The following NBAS variants were observed in gnomAD, a reference collection of about 807,000 sequenced individuals.
NBAS encodes the protein NBAS subunit of NRZ tethering complex.
Under a neutral mutation model 302.5 loss-of-function variants are expected in NBAS, and 219 were observed. The observed-to-expected ratio is 0.72, with a 90% CI of 0.65 to 0.81. The LOEUF is 0.81. NBAS is among the 30% of genes least tolerant of loss of function. The pLI, the probability that NBAS is intolerant of heterozygous loss-of-function variation, is 0.00. For missense variants in NBAS, 2,932 were observed against 2,841.6 expected, an observed-to-expected ratio of 1.03 and a Z score of -0.72; for synonymous variants, 1,118 against 1,021.6, an observed-to-expected ratio of 1.09 and a Z score of -1.80.
At position 15,308,337 on chromosome 2, in the gene NBAS, C is replaced by CTAA; in HGVS notation, c.4675_4676insTTA (p.Asn1558_Arg1559insLeu). On this transcript the variant is annotated inframe_insertion, in exon 40 of 52. Coordinates refer to ENST00000281513, the MANE Select transcript of NBAS (RefSeq NM_015909.4). ...AGAGGGGGACTGCTTTTCAAAGCACCGGTTAGCATCTAACACCTAGGAGGG... is the reference window on the plus strand; with the variant it reads ...AGAGGGGGACTGCTTTTCAAAGCACCTAAGGTTAGCATCTAACACCTAGGAGGG... 1 of 1,613,968 alleles carries CTAA rather than the reference C, an allele frequency of 6.2e-7. No homozygotes were observed. Among genetic ancestry groups the CTAA allele is most frequent in the Non-Finnish European group, 8.5e-7 (1 of 1,179,964 alleles).
chr2:14,944,292 A>T, the NBAS span, among the ~76,000 whole-genome samples: 2 of 151,264 alleles, frequency 1.3e-5, no homozygotes, highest in African/African-American at 2.4e-5. Flanking sequence ...CGACAGAGTG[A>T]GACTCCGTCT....
intron 35 of NBAS, among the ~76,000 whole-genome samples, chr2:15,334,708 C>G (rs1015057054): frequency 6.6e-6 from 1 of 152,132 alleles, no homozygotes; most frequent in African/African-American, 2.4e-5. Context: ...GATGCAAAGA[C>G]AATTACAGCC....
At chr2:15,521,340 G>A (rs989827804) in intron 9 of NBAS, among the ~76,000 whole-genome samples, 23 of 152,084 alleles carry the variant, frequency 1.5e-4, no homozygotes, top group East Asian at 1.9e-4. Context: ...TAATTTCACC[G>A]AAGAAAAGTT....
chr2:14,870,638 G>GA, the NBAS span, among the ~76,000 whole-genome samples: 1,765 of 142,944 alleles, frequency 0.012, 13 homozygotes, highest in Admixed American at 0.013. Flanking sequence ...TCCTAGGAGT[G>GA]AAAAAAAAAA....
intron 11 of NBAS, among the ~76,000 whole-genome samples, chr2:15,495,556 T>C (rs984434724): frequency 6.6e-6 from 1 of 152,156 alleles, no homozygotes; most frequent in Non-Finnish European, 1.5e-5. Context: ...GCCATATTGT[T>C]AGAGATGAAA....
In NBAS at chr2:15,187,018, G is replaced by A. The variant is rs1201661027; in HGVS notation, c.6573-138C>T. ...TGACGTGCTGCTTCAAGTCAACCTT[G>A]TAGAAAAGATAACACCTTAAGGAGA... is the stretch of plus-strand genomic sequence containing the variant. On this transcript the variant is annotated intron_variant, in intron 49 of 51. Transcript: ENST00000281513. 8 of 1,275,384 alleles carry A rather than the reference G, an allele frequency of 6.3e-6. No individual in the cohort carries two copies. In the African/African-American group the frequency reaches 7.4e-5, roughly 12 times the overall value. The allele number at this position is 1,275,384 out of a possible 1,614,324, so 79.0% of individuals were successfully genotyped here.
chr2:14,849,197 A>G, the NBAS span, among the ~76,000 whole-genome samples: 1 of 147,674 alleles, frequency 6.8e-6, no homozygotes, highest in South Asian at 2.2e-4. Context: ...AGAAGAATGT[A>G]TAACTAGAAT....
chr2:15,419,834 C>T (rs949664107), intron 23 of NBAS, among the ~76,000 whole-genome samples: 1 of 151,918 alleles, frequency 6.6e-6, no homozygotes, highest in Admixed American at 6.6e-5. Flanking sequence ...GCCTCAGCCT[C>T]CCGAGTAGTT....
chr2:15,170,701 A>T (rs1393993547), intron 51 of NBAS, among the ~76,000 whole-genome samples: 2 of 152,246 alleles, frequency 1.3e-5, no homozygotes, highest in African/African-American at 4.8e-5. Flanking sequence ...CTGCACGGAA[A>T]ATACTGCATA....
chr2:15,461,906 A>G, intron 19 of NBAS, 115 bp from the exon 20 acceptor site: 1 of 660,220 alleles, frequency 1.5e-6, no homozygotes, highest in African/African-American at 1.8e-5. Flanking sequence ...GGCCTGAATT[A>G]ATTAATTTCA....
At chr2:15,494,049 C>A (rs1680973350) in intron 11 of NBAS, among the ~76,000 whole-genome samples, 1 of 152,076 alleles carries the variant, frequency 6.6e-6, no homozygotes, top group African/African-American at 2.4e-5. Flanking sequence ...TGGTTCAACT[C>A]CTGACCTCAG....
chr2:14,931,340 T>C, the NBAS span, among the ~76,000 whole-genome samples: 1 of 152,172 alleles, frequency 6.6e-6, no homozygotes, highest in Admixed American at 6.5e-5. Flanking sequence ...GGACATGGTA[T>C]GTGAGGGGTT....
the NBAS span, among the ~76,000 whole-genome samples, chr2:15,123,900 C>G: frequency 7.6e-3 from 1,150 of 152,226 alleles, 12 homozygotes; most frequent in African/African-American, 0.027. Context: ...TGTAAAGACA[C>G]CTGAAAATGT....
intron 38 of NBAS, among the ~76,000 whole-genome samples, chr2:15,314,456 GA>G (rs1204390197): frequency 9.2e-5 from 14 of 152,334 alleles, no homozygotes; most frequent in African/African-American, 3.4e-4. Flanking sequence ...GCTGCCATTT[GA>G]AAGAATGAAT....
the NBAS span, among the ~76,000 whole-genome samples, chr2:14,837,308 T>C: frequency 2.0e-5 from 3 of 151,894 alleles, no homozygotes; most frequent in Non-Finnish European, 2.9e-5. Context: ...CTCTGTAATA[T>C]ATGAAAAAGG....
the NBAS span, among the ~76,000 whole-genome samples, chr2:15,141,438 T>A: frequency 2.0e-5 from 3 of 152,358 alleles, no homozygotes; most frequent in East Asian, 5.8e-4. Context: ...TTATCCAGGA[T>A]GTAGCATCAG....
chr2:14,872,627 C>T, the NBAS span, among the ~76,000 whole-genome samples: 1 of 151,772 alleles, frequency 6.6e-6, no homozygotes, highest in Non-Finnish European at 1.5e-5. Context: ...TTTAGACCTT[C>T]GGGGTGAGTG....
chr2:15,091,388 T>A, the NBAS span, among the ~76,000 whole-genome samples: 1 of 152,184 alleles, frequency 6.6e-6, no homozygotes, highest in Non-Finnish European at 1.5e-5. Flanking sequence ...CTTCTCAGCC[T>A]ACTCAATGTG....
intron 25 of NBAS, among the ~76,000 whole-genome samples, chr2:15,415,162 T>C (rs1208346974): frequency 6.6e-6 from 1 of 152,186 alleles, no homozygotes; most frequent in African/African-American, 2.4e-5. Context: ...ATTCACTTTA[T>C]ATCACAATTT....
Sources: allele counts gnomAD v4.1 joint callset (sites outside exome capture counted in the v4.1 genomes callset), GRCh38; gene constraint gnomAD v4.1.1; transcripts MANE v1.5; gene names NCBI Gene and HGNC (gene_info 2026-07-23, HGNC 2026-07-21).